Variants in SRRM4 observed in about 807,000 individuals in gnomAD.
SRRM4 encodes serine/arginine repetitive matrix protein 4.
A neutral mutation model predicts 68.9 loss-of-function variants in SRRM4; 33 were observed. That is an observed-to-expected ratio of 0.48 (90% CI 0.36 to 0.64). The LOEUF is 0.64. SRRM4 is among the 30% of genes least tolerant of loss of function. SRRM4 has a pLI of 0.00. For synonymous variants in SRRM4, 318 were observed against 318.8 expected (o/e 1.00, Z 0.03); for missense variants, 817 against 827.1 (o/e 0.99, Z 0.15).
intron 1 of SRRM4, among the ~76,000 whole-genome samples, chr12:119,090,432 C>T (rs1954007940): frequency 1.3e-5 from 2 of 152,110 alleles, no homozygotes; most frequent in African/African-American, 4.8e-5. Flanking sequence ...CAGCCTGATC[C>T]TAAGGGGAGC....
chr12:119,050,532 A>C (rs900740768), intron 1 of SRRM4, among the ~76,000 whole-genome samples: 1 of 152,232 alleles, frequency 6.6e-6, no homozygotes, highest in Non-Finnish European at 1.5e-5. Context: ...AATGGGGTGC[A>C]TATGGTGGAA....
intron 8 of SRRM4, among the ~76,000 whole-genome samples, chr12:119,136,530 C>T (rs892474815): frequency 6.6e-6 from 1 of 151,770 alleles, no homozygotes; most frequent in Non-Finnish European, 1.5e-5. Context: ...TCAACTTTTA[C>T]TTTTGCCAAG....
rs1954509109 is a variant in SRRM4, at chr12:119,160,897, A to G, written c.*4099A>G. On this transcript the variant is annotated 3_prime_UTR_variant, in exon 13 of 13. Transcript: ENST00000267260. ...TAACTCAAAGCCCCCTATTAGTAAC[A>G]TTCTGGTTCACTGAGGTTTGATCAT... is the stretch of plus-strand genomic sequence containing the variant. The G allele has an allele frequency of 6.6e-6, 1 of 152,252 alleles. No homozygotes were observed. Among genetic ancestry groups the G allele is most frequent in the African/African-American group, 2.4e-5 (1 of 41,464 alleles). The allele number at this position is 152,252 out of a possible 1,614,324, so 9.4% of individuals were successfully genotyped here.
intron 1 of SRRM4, among the ~76,000 whole-genome samples, chr12:119,100,343 A>AAAAAAAAAAAC (rs1565908005): frequency 6.6e-6 from 1 of 150,772 alleles, no homozygotes; most frequent in African/African-American, 2.4e-5. Flanking sequence ...AAAAAAAAAA[A>AAAAAAAAAAAC]TCTGGGTGTG....
chr12:119,134,493 A>G (rs1005818343), intron 8 of SRRM4, among the ~76,000 whole-genome samples: 54 of 152,256 alleles, frequency 3.5e-4, no homozygotes, highest in African/African-American at 1.1e-3. Flanking sequence ...TCATTTTGTA[A>G]TCAGGGCTGG....
Position 118,997,046 on chromosome 12 carries a change from A to G in SRRM4, c.131+15033A>G, listed in dbSNP as rs373481358. Among the ~76,000 whole-genome samples, 9 of 152,226 alleles carry G rather than the reference A, an allele frequency of 5.9e-5. No individual in the cohort carries two copies. In the East Asian group the frequency reaches 1.3e-3, roughly 23 times the overall value. On this transcript the variant is annotated intron_variant, in intron 1 of 12. Coordinates refer to ENST00000267260, the MANE Select transcript of SRRM4 (RefSeq NM_194286.4). ...AATCGCTCAGAAGAATCAACCAGCCAGGAAGTGTCTTCTCAGCAAGAAGGT... is the reference window on the plus strand; with the variant it reads ...AATCGCTCAGAAGAATCAACCAGCCGGGAAGTGTCTTCTCAGCAAGAAGGT...
chr12:119,047,911 C>T (rs1457274164), intron 1 of SRRM4, among the ~76,000 whole-genome samples: 1 of 152,194 alleles, frequency 6.6e-6, no homozygotes, highest in Non-Finnish European at 1.5e-5. Context: ...ATGGAAGACA[C>T]ATGACAAGGA....
At chr12:119,107,463 T>G (rs1954114348) in intron 2 of SRRM4, among the ~76,000 whole-genome samples, 2 of 152,172 alleles carry the variant, frequency 1.3e-5, no homozygotes, top group East Asian at 3.8e-4. Flanking sequence ...CTTTTTTTGG[T>G]TGCTAGGTTA....
At chr12:119,016,957 CT>C (rs1952134156) in intron 1 of SRRM4, among the ~76,000 whole-genome samples, 1 of 152,198 alleles carries the variant, frequency 6.6e-6, no homozygotes, top group Non-Finnish European at 1.5e-5. Flanking sequence ...ATACCACCTA[CT>C]TCATAGTATT....
chr12:119,152,955 G>T (rs1298734971), intron 10 of SRRM4, among the ~76,000 whole-genome samples: 2 of 152,138 alleles, frequency 1.3e-5, no homozygotes, highest in Non-Finnish European at 2.9e-5. Flanking sequence ...AAACAGTCCT[G>T]GGTTCACATC....
chr12:119,132,611 G>T (rs967885568), intron 8 of SRRM4, among the ~76,000 whole-genome samples: 2 of 152,202 alleles, frequency 1.3e-5, no homozygotes, highest in African/African-American at 4.8e-5. Context: ...AGCTGGGGAG[G>T]TTACCAGATT....
intron 1 of SRRM4, among the ~76,000 whole-genome samples, chr12:119,029,084 T>G (rs1280392407): frequency 1.3e-5 from 2 of 151,990 alleles, no homozygotes. Flanking sequence ...TATGCAAAGG[T>G]GAGAAATAAC....
At position 119,162,112 on chromosome 12, in the gene SRRM4, G is replaced by T. The variant is rs537812123; in HGVS notation, c.*5314G>T. On this transcript the variant is annotated 3_prime_UTR_variant, in exon 13 of 13. Coordinates refer to ENST00000267260, the MANE Select transcript of SRRM4 (RefSeq NM_194286.4). ...TATCTGCAAGACGTGGGAAATGGGGGCTCAAGCCCTGATGCTATGGACTCC... is the reference window on the plus strand; with the variant it reads ...TATCTGCAAGACGTGGGAAATGGGGTCTCAAGCCCTGATGCTATGGACTCC... The T allele has an allele frequency of 2.0e-5, 3 of 152,258 alleles. No homozygotes were observed. The highest frequency in any genetic ancestry group is 7.2e-5 in the African/African-American group (3 of 41,554). The allele number at this position is 152,258 out of a possible 1,614,324, so 9.4% of individuals were successfully genotyped here.
chr12:119,015,815 A>T (rs1287752866), intron 1 of SRRM4, among the ~76,000 whole-genome samples: 1 of 151,920 alleles, frequency 6.6e-6, no homozygotes, highest in East Asian at 1.9e-4. Context: ...CTTCCCCCTG[A>T]TTTCTGCATG....
At chr12:119,019,946 C>T (rs1005826175) in intron 1 of SRRM4, among the ~76,000 whole-genome samples, 3 of 86,104 alleles carry the variant, frequency 3.5e-5, no homozygotes, top group East Asian at 2.6e-4. Flanking sequence ...CAGTTCCCCC[C>T]GCTCCCCCCC....
intron 1 of SRRM4, among the ~76,000 whole-genome samples, chr12:119,030,476 A>G (rs560343134): frequency 3.6e-4 from 46 of 127,032 alleles, no homozygotes; most frequent in African/African-American, 1.4e-3. Flanking sequence ...GTTGACTTGT[A>G]TTAATTAATC....
intron 1 of SRRM4, among the ~76,000 whole-genome samples, chr12:119,076,654 T>C (rs764536175): frequency 2.0e-5 from 3 of 152,180 alleles, no homozygotes; most frequent in Non-Finnish European, 2.9e-5. Flanking sequence ...AAAATTTATT[T>C]TGGGAAGTTG....
At chr12:119,019,427 C>A (rs1298317399) in intron 1 of SRRM4, among the ~76,000 whole-genome samples, 1 of 152,084 alleles carries the variant, frequency 6.6e-6, no homozygotes, top group African/African-American at 2.4e-5. Flanking sequence ...TAGTAACTCC[C>A]TGAAGCTTCC....
chr12:119,112,919 T>C (rs963038077), intron 2 of SRRM4, among the ~76,000 whole-genome samples: 3 of 152,046 alleles, frequency 2.0e-5, no homozygotes, highest in Admixed American at 6.5e-5. Flanking sequence ...TTTATCTATG[T>C]AACAAACCTG....
Sources: allele counts gnomAD v4.1 joint callset (sites outside exome capture counted in the v4.1 genomes callset), GRCh38; gene constraint gnomAD v4.1.1; transcripts MANE v1.5; gene names NCBI Gene and HGNC (gene_info 2026-07-23, HGNC 2026-07-21).